HYDIN: variants seen among roughly 807,000 people sequenced by gnomAD.
The protein encoded by HYDIN is axonemal central pair apparatus protein HYDIN.
A neutral mutation model predicts 403.9 loss-of-function variants in HYDIN; 132 were observed. That is an observed-to-expected ratio of 0.33 (90% CI 0.28 to 0.38). The LOEUF is 0.38. HYDIN is among the 10% of genes least tolerant of loss of function. The probability of loss-of-function intolerance (pLI) is 1.00; values close to 1 mark genes in which losing one functional copy is unlikely to be tolerated. For synonymous variants in HYDIN, 1,202 were observed against 1,891.7 expected (o/e 0.64, Z 9.46); for missense variants, 2,827 against 5,009.5 (o/e 0.56, Z 13.15).
intron 23 of HYDIN, among the ~76,000 whole-genome samples, chr16:70,995,106 C>G (rs892406596): frequency 6.6e-6 from 1 of 152,154 alleles, no homozygotes; most frequent in African/African-American, 2.4e-5. Context: ...TCCCTGCTTG[C>G]CCCCTGAGCC....
At chr16:71,042,655 A>G (rs567916359) in intron 18 of HYDIN, among the ~76,000 whole-genome samples, 11 of 152,320 alleles carry the variant, frequency 7.2e-5, no homozygotes, top group Non-Finnish European at 1.5e-4. Flanking sequence ...AATTGTTTTC[A>G]TGTGGTTTTC....
At chr16:70,989,475 T>C (rs981443320) in intron 25 of HYDIN, among the ~76,000 whole-genome samples, 2 of 152,132 alleles carry the variant, frequency 1.3e-5, no homozygotes, top group African/African-American at 4.8e-5. Flanking sequence ...AGGAAAGAAA[T>C]AAAAGTCCAT....
chr16:70,905,401 G>A (rs1483134609), intron 50 of HYDIN, among the ~76,000 whole-genome samples: 1 of 152,070 alleles, frequency 6.6e-6, no homozygotes, highest in Non-Finnish European at 1.5e-5. Flanking sequence ...CCAGCACTTT[G>A]AGAGGCTGAG....
At chr16:70,906,465 C>A (rs572594773) in intron 50 of HYDIN, among the ~76,000 whole-genome samples, 1 of 151,556 alleles carries the variant, frequency 6.6e-6, no homozygotes. Flanking sequence ...CATGCAGTGA[C>A]AGTCCCTCTT....
At chr16:71,071,713 G>A (rs985348435) in intron 13 of HYDIN, among the ~76,000 whole-genome samples, 1 of 152,014 alleles carries the variant, frequency 6.6e-6, no homozygotes, top group African/African-American at 2.4e-5. Flanking sequence ...AGATCACAAG[G>A]CTGTAAAGGA....
chr16:71,156,845 A>T (rs2085790068), intron 6 of HYDIN, among the ~76,000 whole-genome samples: 1 of 152,116 alleles, frequency 6.6e-6, no homozygotes, highest in Non-Finnish European at 1.5e-5. Flanking sequence ...TACTTTAATC[A>T]TCAAAGTTAT....
At chr16:70,834,903 C>T (rs1326199289) in intron 78 of HYDIN, among the ~76,000 whole-genome samples, 5 of 144,004 alleles carry the variant, frequency 3.5e-5, no homozygotes, top group East Asian at 2.0e-4. Context: ...TATATATATA[C>T]ACACACACAT....
chr16:71,031,118 T>C (rs2144156621), intron 19 of HYDIN, among the ~76,000 whole-genome samples: 1 of 142,410 alleles, frequency 7.0e-6, no homozygotes, highest in East Asian at 2.0e-4. Flanking sequence ...GAGAATGGCG[T>C]GAACCCGGGA....
Position 70,904,060 on chromosome 16 carries a change from T to TACAA in HYDIN, c.8520_8521insTTGT (p.Lys2841LeufsTer2). The TACAA allele has an allele frequency of 6.3e-7, 1 of 1,585,494 alleles. No individual in the cohort carries two copies. The highest frequency in any genetic ancestry group is 8.5e-7 in the Non-Finnish European group (1 of 1,170,478). The stretch of plus-strand genomic sequence containing the variant: ...ATGTTGCCTGGGAATAAGGATGACT[T>TACAA]GTACCTGGGGATGAACAAGAATGGG... On this transcript the variant is annotated frameshift_variant, in exon 51 of 86. Coordinates refer to ENST00000393567, the MANE Select transcript of HYDIN (RefSeq NM_001270974.2). LOFTEE classifies it high-confidence loss of function.
chr16:70,862,189 A>C lies in HYDIN; in HGVS notation c.11636T>G (p.Met3879Arg). The change falls in exon 69 of 86, where the codon ATG becomes AGG. Residue 3879 changes from methionine (M) to arginine (R), a missense_variant. Met to Arg is a moderately conservative substitution (Grantham distance 91). Coordinates refer to ENST00000393567, the MANE Select transcript of HYDIN (RefSeq NM_001270974.2). ...MHTGSTLDST[M>R]DHWAEGSPQP... ...TGGGGAACCCTCGGCCCAGTGGTCC[A>C]TGGTGCTGTCCAGGGTGCTGCCTGT... The C allele has an allele frequency of 6.2e-7, 1 of 1,613,682 alleles. No individual in the cohort carries two copies. The highest frequency in any genetic ancestry group is 1.1e-5 in the South Asian group (1 of 90,918).
At chr16:70,915,021 T>C (rs1302520199) in intron 47 of HYDIN, among the ~76,000 whole-genome samples, 1 of 151,436 alleles carries the variant, frequency 6.6e-6, no homozygotes, top group East Asian at 1.9e-4. Context: ...TGTATTTCAT[T>C]GAATATTTCT....
At chr16:71,056,670 A>G (rs2081908214) in intron 18 of HYDIN, among the ~76,000 whole-genome samples, 1 of 152,266 alleles carries the variant, frequency 6.6e-6, no homozygotes, top group Non-Finnish European at 1.5e-5. Context: ...TATGGCCAAA[A>G]GAGGACAGAG....
intron 8 of HYDIN, among the ~76,000 whole-genome samples, chr16:71,130,739 C>G (rs951370590): frequency 2.0e-4 from 31 of 152,096 alleles, no homozygotes; most frequent in Non-Finnish European, 3.8e-4. Context: ...CCACCCGCCT[C>G]GGCCTCCCAA....
At chr16:70,928,050 T>C (rs1320820613) in intron 45 of HYDIN, among the ~76,000 whole-genome samples, 1 of 151,834 alleles carries the variant, frequency 6.6e-6, no homozygotes, top group Non-Finnish European at 1.5e-5. Context: ...AAAGAGTGTT[T>C]AGGAGGGTGC....
intron 7 of HYDIN, among the ~76,000 whole-genome samples, chr16:71,144,105 C>CA (rs1299378743): frequency 6.6e-6 from 1 of 151,974 alleles, no homozygotes; most frequent in Admixed American, 6.6e-5. Flanking sequence ...CCTCATCAGG[C>CA]ATTGAAGAAG....
At chr16:70,981,604 T>C (rs556898362) in intron 28 of HYDIN, 36 bp from the exon 29 acceptor site, 2 of 1,600,780 alleles carry the variant, frequency 1.2e-6, no homozygotes, top group East Asian at 2.2e-5. Context: ...GGAAAACGAA[T>C]GTGCTACAGT....
intron 47 of HYDIN, among the ~76,000 whole-genome samples, chr16:70,915,032 C>T (rs1375486507): frequency 6.6e-6 from 1 of 151,278 alleles, no homozygotes; most frequent in Non-Finnish European, 1.5e-5. Flanking sequence ...GAATATTTCT[C>T]CCTTTACTTC....
At chr16:71,154,280 T>C (rs372776008) in intron 6 of HYDIN, among the ~76,000 whole-genome samples, 4 of 151,480 alleles carry the variant, frequency 2.6e-5, no homozygotes, top group African/African-American at 9.7e-5. Context: ...AATTTACTTT[T>C]TGTGGGTACA....
intron 27 of HYDIN, among the ~76,000 whole-genome samples, chr16:70,986,425 C>T (rs1000680510): frequency 1.3e-5 from 2 of 152,166 alleles, no homozygotes; most frequent in Non-Finnish European, 1.5e-5. Flanking sequence ...ACCCTGGAGA[C>T]GACGAAGGCA....
Sources: allele counts gnomAD v4.1 joint callset (sites outside exome capture counted in the v4.1 genomes callset), GRCh38; gene constraint gnomAD v4.1.1; transcripts MANE v1.5; gene names NCBI Gene and HGNC (gene_info 2026-07-23, HGNC 2026-07-21).